TTN: variants seen among roughly 807,000 people sequenced by gnomAD.
TTN encodes titin, also known as connectin.
Under a neutral mutation model 3,223.0 loss-of-function variants are expected in TTN, and 1,525 were observed. The ratio of observed to expected loss-of-function variants is 0.47; its 90% CI spans 0.45 to 0.49. The LOEUF is 0.49. TTN is among the 20% of genes least tolerant of loss of function. The probability of loss-of-function intolerance (pLI) is 0.00; values close to 1 mark genes in which losing one functional copy is unlikely to be tolerated. For synonymous variants in TTN, 14,094 were observed against 15,161.0 expected, an observed-to-expected ratio of 0.93 and a Z score of 5.17; for missense variants, 40,786 against 43,424.0, an observed-to-expected ratio of 0.94 and a Z score of 5.40.
chr2:178,652,375 T>C (rs771477045), intron 202 of TTN, 28 bp from the exon 203 acceptor site: 37 of 1,613,450 alleles, frequency 2.3e-5, no homozygotes, highest in Non-Finnish European at 3.1e-5. Flanking sequence ...AAATTACATT[T>C]AGGCATTATG....
At chr2:178,613,453 C>T in intron 263 of TTN, 177 bp from the exon 264 acceptor site, 1 of 642,040 alleles carries the variant, frequency 1.6e-6, no homozygotes, top group East Asian at 2.8e-5. Flanking sequence ...ACACTTTAGA[C>T]TGGGCCAAAC....
chr2:178,641,292 C>G lies in TTN; in HGVS notation c.40582G>C (p.Glu13528Gln). The G allele has an allele frequency of 6.6e-7, 1 of 1,507,440 alleles. No individual in the cohort carries two copies. Among genetic ancestry groups the G allele is most frequent in the African/African-American group, 1.4e-5 (1 of 69,898 alleles). The allele number at this position is 1,507,440 out of a possible 1,614,324, so 93.4% of individuals were successfully genotyped here. ...TTTTTAGGTTCTACTTTAGGTTCTTCTTCTTCAGGTCTTTTTCTTAGAACT... is the reference window on the plus strand; with the variant it reads ...TTTTTAGGTTCTACTTTAGGTTCTTGTTCTTCAGGTCTTTTTCTTAGAACT... ...KSVLRKRPEE[E>Q]EPKVEPKKLE... is the part of the protein sequence containing the mutation. The change falls in exon 220 of 363, where the codon GAA becomes CAA. Residue 13528 changes from glutamate (E) to glutamine (Q), a missense_variant. By Grantham distance (29) the Glu-to-Gln change is conservative. Transcript: ENST00000589042.
Position 178,572,564 on chromosome 2 carries a change from G to A in TTN, c.73568C>T (p.Pro24523Leu). 1.2e-6 allele frequency: 2 copies of A among 1,613,388 alleles called. No homozygotes were observed. The highest frequency in any genetic ancestry group is 1.7e-6 in the Non-Finnish European group (2 of 1,179,606). Residue 24523 changes from proline (P) to leucine (L), a missense_variant, in exon 326 of 363, where the codon CCA becomes CTA. Physicochemically the swap from Pro to Leu is moderately conservative, Grantham distance 98. Transcript: ENST00000589042. ...NVRVLDTPGPPQDLKVKEVTK... is the reference protein window; with the variant it reads ...NVRVLDTPGPLQDLKVKEVTK... ...GACCTCTTTTACCTTCAGATCCTGT[G>A]GGGGGCCTGGTGTATCGAGAACTCT...
chr2:178,785,081 C>A (rs1354974099), intron 15 of TTN, among the ~76,000 whole-genome samples: 1 of 152,116 alleles, frequency 6.6e-6, no homozygotes, highest in Non-Finnish European at 1.5e-5. Context: ...CTCCTGATGA[C>A]AGAGATTATA....
In TTN at chr2:178,599,336, G is replaced by C. The variant is rs1274184250; in HGVS notation, c.56457C>G (p.Asn18819Lys). The change falls in exon 290 of 363, where the codon AAC becomes AAG. Residue 18819 changes from asparagine (N) to lysine (K), a missense_variant. By Grantham distance (94) the Asn-to-Lys change is moderately conservative. Coordinates refer to ENST00000589042, the MANE Select transcript of TTN (RefSeq NM_001267550.2). ...TAGCTTCTCTTTTCTCAATTACATAGTTTGTAATCTTAGACCCACCATCAT... is the reference window on the plus strand; with the variant it reads ...TAGCTTCTCTTTTCTCAATTACATACTTTGTAATCTTAGACCCACCATCAT... Reference protein sequence around the residue: ...PKDDGGSKITNYVIEKREANR... With the variant: ...PKDDGGSKITKYVIEKREANR... 3 of 1,610,088 alleles carry C rather than the reference G, an allele frequency of 1.9e-6. No individual in the cohort carries two copies. The South Asian group carries it at 3.3e-5, about 18-fold the overall frequency.
intron 224 of TTN, among the ~76,000 whole-genome samples, 181 bp downstream of exon 224, chr2:178,637,188 T>TATA (rs1576758344): frequency 7.7e-6 from 1 of 129,594 alleles, no homozygotes; most frequent in South Asian, 2.4e-4. Context: ...TATATATATA[T>TATA]ATCTCCTTGC....
In TTN at chr2:178,784,309, A is replaced by G; in HGVS notation, c.2536T>C (p.Leu846=). The G allele has an allele frequency of 6.2e-7, 1 of 1,613,820 alleles. No homozygotes were observed. The highest frequency in any genetic ancestry group is 1.1e-5 in the South Asian group (1 of 91,062). ...GSAIATLQKE[L]SATSSAQKIT... ...TTCTGAGCAGAAGATGTGGCTGACAACTCTTTTTGTAATGTGGCAATAGCA... is the reference window on the plus strand; with the variant it reads ...TTCTGAGCAGAAGATGTGGCTGACAGCTCTTTTTGTAATGTGGCAATAGCA... The change falls in exon 16 of 363, where the codon TTG becomes CTG. Residue 846 remains leucine (L), a synonymous_variant. Transcript: ENST00000589042.
In TTN at chr2:178,562,419, T is replaced by C. The variant is rs879057080; in HGVS notation, c.83713A>G (p.Lys27905Glu). ...CAGGTGCTCCACTTTTCACTCCCTT[T>C]AGTCTGCATTTCAACCACATAACCA... ...ITGYVVEMQT[K>E]GSEKWSTCTQ... Residue 27905 changes from lysine to glutamate, a missense_variant, in exon 326 of 363, where the codon AAA becomes GAA. Lys to Glu is a moderately conservative substitution (Grantham distance 56). Coordinates refer to ENST00000589042, the MANE Select transcript of TTN (RefSeq NM_001267550.2). 1 of 1,612,980 alleles carries C rather than the reference T, an allele frequency of 6.2e-7. No homozygotes were observed. Among genetic ancestry groups the C allele is most frequent in the African/African-American group, 1.3e-5 (1 of 74,988 alleles).
In TTN at chr2:178,681,435, A is replaced by G. The variant is rs929133857; in HGVS notation, c.33188T>C (p.Val11063Ala). The G allele has an allele frequency of 2.5e-6, 4 of 1,611,760 alleles. No homozygotes were observed. Among genetic ancestry groups the G allele is most frequent in the Non-Finnish European group, 3.4e-6 (4 of 1,178,876 alleles). The change falls in exon 137 of 363, where the codon GTC (valine) becomes GCC (alanine). Residue 11063 changes from valine to alanine, a missense_variant. By Grantham distance (64) the Val-to-Ala change is moderately conservative (BLOSUM62 0). Transcript: ENST00000589042. ...GGGCACTGGTACTTTTTCTTCAGGGACAGCTTTCTTCAGCACTTCAAAATA... is the reference window on the plus strand; with the variant it reads ...GGGCACTGGTACTTTTTCTTCAGGGGCAGCTTTCTTCAGCACTTCAAAATA... ...APPAKVLKKA[V>A]PEEKVPVPIP...
intron 44 of TTN, 58 bp downstream of exon 44, chr2:178,758,922 TACAG>T (rs534464742): frequency 4.7e-6 from 7 of 1,482,084 alleles, no homozygotes; most frequent in South Asian, 1.1e-5. Context: ...GAGTAATTGT[TACAG>T]ACATTGTTAA....
chr2:178,548,454 C>T lies in TTN; in HGVS notation c.93172G>A (p.Ala31058Thr), dbSNP rs1232455758. Reference sequence around the variant, plus strand: ...ATAACCTGCCAACTACGGCGACTTGCCTCTCGTTTCTCTACCACATAATGA... The same window carrying T: ...ATAACCTGCCAACTACGGCGACTTGTCTCTCGTTTCTCTACCACATAATGA... ...IHHYVVEKRE[A>T]SRRSWQVISE... Residue 31058 changes from alanine to threonine, a missense_variant, in exon 339 of 363, where the codon GCA (alanine) becomes ACA (threonine). Coordinates refer to ENST00000589042, the MANE Select transcript of TTN (RefSeq NM_001267550.2). This position sits in a 1 kb window ranked among gnomAD's most constrained non-coding sequence, Gnocchi z 4.3. 9 of 1,613,822 alleles carry T rather than the reference C, an allele frequency of 5.6e-6. 1 individual carries two copies. Among genetic ancestry groups the T allele is most frequent in the Admixed American group, 1.7e-5 (1 of 60,006 alleles).
At chr2:178,797,159 G>T (rs1176628301) in intron 6 of TTN, among the ~76,000 whole-genome samples, 9 of 152,104 alleles carry the variant, frequency 5.9e-5, no homozygotes, top group Admixed American at 3.9e-4. Flanking sequence ...AATATAGTTA[G>T]GTTGTTATCT....
At position 178,707,840 on chromosome 2, in the gene TTN, G is replaced by C. The variant is rs554785057; in HGVS notation, c.28754-27C>G. The C allele has an allele frequency of 5.2e-6, 8 of 1,536,796 alleles. No homozygotes were observed. In the South Asian group the frequency reaches 1.0e-4, roughly 20 times the overall value. ...TGGAATTGAAAAGGTATTTTCATGA[G>C]GAACATAAAGGCAAAAAAGTATTAA... On this transcript the variant is annotated intron_variant, in intron 99 of 362. Coordinates refer to ENST00000589042, the MANE Select transcript of TTN (RefSeq NM_001267550.2).
chr2:178,583,826 C>A lies in TTN; in HGVS notation c.65356G>T (p.Gly21786Cys). ...LIWARPKHDG[G>C]SKIIGYFVEA... ...ACGAAATAGCCAATAATTTTACTGC[C>A]TCCATCATGCTTTGGACGAGCCCAG... Residue 21786 changes from glycine (G) to cysteine (C), a missense_variant, in exon 312 of 363, where the codon GGC becomes TGC. By Grantham distance (159) the Gly-to-Cys change is radical. Coordinates refer to ENST00000589042, the MANE Select transcript of TTN (RefSeq NM_001267550.2). 1 of 1,609,770 alleles carries A rather than the reference C, an allele frequency of 6.2e-7. No individual in the cohort carries two copies. Among genetic ancestry groups the A allele is most frequent in the Non-Finnish European group, 8.5e-7 (1 of 1,177,928 alleles).
At chr2:178,595,383 T>G (rs1047574449) in intron 295 of TTN, 124 bp downstream of exon 295, 26 of 870,178 alleles carry the variant, frequency 3.0e-5, no homozygotes, top group Admixed American at 5.4e-5. Context: ...TACTGAGTAG[T>G]TGTGTGATAA....
Position 178,528,537 on chromosome 2 carries a change from G to T in TTN, c.107214C>A (p.Asn35738Lys). 1 of 1,606,930 alleles carries T rather than the reference G, an allele frequency of 6.2e-7. No homozygotes were observed. Among genetic ancestry groups the T allele is most frequent in the Non-Finnish European group, 8.5e-7 (1 of 1,175,650 alleles). The part of the protein sequence containing the change: ...EPSPEIEWFK[N>K]NLPISISSNV... ...TCATAATTAAACTTACTGGCAGGTT[G>T]TTTTTAAACCATTCGATTTCAGGGG... The change falls in exon 360 of 363, where the codon AAC becomes AAA. Residue 35738 changes from asparagine to lysine, a missense_variant. Coordinates refer to ENST00000589042, the MANE Select transcript of TTN (RefSeq NM_001267550.2).
chr2:178,749,142 G>A (rs1327321905), intron 47 of TTN: 5 of 1,612,322 alleles, frequency 3.1e-6, no homozygotes, highest in South Asian at 1.1e-5. Flanking sequence ...TGAATATTTG[G>A]TAAATAGTCA....
rs530580859 is a variant in TTN, at chr2:178,583,097, T to G, written c.65706A>C (p.Thr21902=). 1.1e-5 allele frequency: 18 copies of G among 1,611,372 alleles called. No individual in the cohort carries two copies. In the South Asian group the frequency reaches 1.8e-4, roughly 16 times the overall value. ...MPTVSWKKDG[T]LLKPAEGIKM... ...TTATGCCTTCTGCTGGTTTTAGCAG[T>G]GTGCCATCTTTTTTCCAAGAAACTG... The change falls in exon 313 of 363, where the codon ACA becomes ACC. Residue 21902 remains threonine (T), a synonymous_variant. Transcript: ENST00000589042.
rs1383104305 is a variant in TTN at position 178,526,182 on chromosome 2, A to T, written c.*830T>A. The T allele has an allele frequency of 1.3e-5, 2 of 152,614 alleles. No homozygotes were observed. The highest frequency in any genetic ancestry group is 4.8e-5 in the African/African-American group (2 of 41,434). The allele number at this position is 152,614 out of a possible 1,614,324, so 9.5% of individuals were successfully genotyped here. ...TGTTCTTTACTTTTTGCTGTGGCTC[A>T]TTGCTTAGGTGCCCAGGTTTTTCAG... is the stretch of plus-strand genomic sequence containing the variant. On this transcript the variant is annotated 3_prime_UTR_variant, in exon 363 of 363. Coordinates refer to ENST00000589042, the MANE Select transcript of TTN (RefSeq NM_001267550.2).
Sources: gnomAD v4.1 joint callset for allele counts (sites outside exome capture counted in the v4.1 genomes callset) on GRCh38, gnomAD v4.1.1 for gene constraint, Gnocchi (gnomAD v3.1) non-coding constraint, MANE v1.5 for transcripts, NCBI Gene and HGNC (gene_info 2026-07-23, HGNC 2026-07-21) for gene names.